Variants in LINGO2 observed in about 807,000 individuals in gnomAD.
LINGO2 encodes the protein leucine-rich repeat and immunoglobulin-like domain-containing nogo receptor-interacting protein 2.
LINGO2 carries 14 observed loss-of-function variants against 30.6 expected under a neutral mutation model. That is an observed-to-expected ratio of 0.46 (90% CI 0.30 to 0.72). The LOEUF is 0.72. LINGO2 is among the 30% of genes least tolerant of loss of function. The probability of loss-of-function intolerance (pLI) is 0.07; values close to 1 mark genes in which losing one functional copy is unlikely to be tolerated. For synonymous variants in LINGO2, 317 were observed against 288.5 expected (o/e 1.10, Z -1.00); for missense variants, 729 against 751.7 (o/e 0.97, Z 0.35).
intron 3 of LINGO2, among the ~76,000 whole-genome samples, chr9:28,355,363 CTGTGTGTGTGTGTGTGTGTGTGTGTG>C (rs61656726): frequency 8.7e-6 from 1 of 115,336 alleles, no homozygotes; most frequent in African/African-American, 3.4e-5. Context: ...CTCCCTCCCT[CTGTGTGTGTGTGTGTGTGTGTGTGTG>C]TGTGTGTGTG....
chr9:28,601,327 G>A (rs928218969), intron 1 of LINGO2, among the ~76,000 whole-genome samples: 16 of 152,082 alleles, frequency 1.1e-4, no homozygotes, highest in African/African-American at 3.9e-4. Flanking sequence ...CTTATTCCTA[G>A]AATACAAATA....
chr9:28,353,942 G>A (rs1181215317), intron 3 of LINGO2, among the ~76,000 whole-genome samples: 1 of 152,078 alleles, frequency 6.6e-6, no homozygotes, highest in East Asian at 1.9e-4. Flanking sequence ...TCATAGGTGG[G>A]AATTGAACAG....
rs57600944 is a variant in LINGO2 at position 28,253,075 on chromosome 9, TAA to T, written c.-87+42131_-87+42132del. 3.4e-3 allele frequency among the ~76,000 whole-genome samples: 476 copies of T among 141,708 alleles called. 2 individuals carry two copies. The highest frequency in any genetic ancestry group is 0.011 in the African/African-American group (450 of 39,260). The allele number at this position is 141,708 out of a possible 152,430, so 93.0% of individuals were successfully genotyped here. A position where few individuals can be genotyped will look rare whatever the true frequency, so the allele number is the denominator to read the frequency against. Reference sequence around the variant, plus strand: ...TAAACTTCCTCATGTTTCAATTTGCTAAAAAAAAAAAAATATTATTTTCTTCA... The same window carrying T: ...TAAACTTCCTCATGTTTCAATTTGCTAAAAAAAAAAATATTATTTTCTTCA... On this transcript the variant is annotated intron_variant, in intron 4 of 5. Transcript: ENST00000379992.
intron 2 of LINGO2, among the ~76,000 whole-genome samples, chr9:28,416,060 A>T (rs1191863201): frequency 1.3e-5 from 2 of 152,132 alleles, no homozygotes; most frequent in Non-Finnish European, 2.9e-5. Context: ...AAAACTGTAA[A>T]GATTGAGGAT....
At chr9:28,931,427 A>G in the LINGO2 span, among the ~76,000 whole-genome samples, 1 of 152,030 alleles carries the variant, frequency 6.6e-6, no homozygotes, top group Non-Finnish European at 1.5e-5. Context: ...GGTACAATCC[A>G]TTTTCTCTGG....
chr9:28,023,783 G>A (rs1354082071), intron 4 of LINGO2, among the ~76,000 whole-genome samples: 1 of 152,126 alleles, frequency 6.6e-6, no homozygotes, highest in African/African-American at 2.4e-5. Flanking sequence ...TTTCTAACAT[G>A]AGAACCTGGT....
chr9:28,491,496 A>C (rs1178763905), intron 1 of LINGO2, among the ~76,000 whole-genome samples: 1 of 152,192 alleles, frequency 6.6e-6, no homozygotes, highest in Non-Finnish European at 1.5e-5. Context: ...AGGATACAGC[A>C]TTTTTGGGTC....
chr9:29,204,174 C>T, the LINGO2 span, among the ~76,000 whole-genome samples: 1 of 152,034 alleles, frequency 6.6e-6, no homozygotes, highest in Admixed American at 6.6e-5. Flanking sequence ...TTCAGTTTAC[C>T]AGATATGAAG....
chr9:28,085,540 T>C (rs1825884650), intron 4 of LINGO2, among the ~76,000 whole-genome samples: 1 of 152,094 alleles, frequency 6.6e-6, no homozygotes, highest in South Asian at 2.1e-4. Flanking sequence ...AAATAAACAC[T>C]TGGGTTTGAA....
chr9:28,744,618 G>GTGTGTGTGTGTGTGTA, the LINGO2 span, among the ~76,000 whole-genome samples: 1 of 126,082 alleles, frequency 7.9e-6, no homozygotes, highest in Non-Finnish European at 1.6e-5. Flanking sequence ...TCGTGTGTGT[G>GTGTGTGTGTGTGTGTA]TGTGTGTGTG....
At chr9:28,532,199 T>C (rs1821259818) in intron 1 of LINGO2, among the ~76,000 whole-genome samples, 1 of 152,092 alleles carries the variant, frequency 6.6e-6, no homozygotes, top group African/African-American at 2.4e-5. Context: ...GTGGGGATAA[T>C]ATCTTTCAGA....
At chr9:28,951,989 A>G in the LINGO2 span, among the ~76,000 whole-genome samples, 3 of 152,082 alleles carry the variant, frequency 2.0e-5, no homozygotes, top group Non-Finnish European at 4.4e-5. Flanking sequence ...CAAAACCACA[A>G]TGAGATACCA....
At chr9:29,059,506 G>A in the LINGO2 span, among the ~76,000 whole-genome samples, 3 of 151,534 alleles carry the variant, frequency 2.0e-5, no homozygotes, top group Non-Finnish European at 4.4e-5. Flanking sequence ...AAACTGAGAT[G>A]GTATGATATT....
At chr9:28,825,335 C>T in the LINGO2 span, among the ~76,000 whole-genome samples, 1 of 151,796 alleles carries the variant, frequency 6.6e-6, no homozygotes, top group African/African-American at 2.4e-5. Flanking sequence ...AGTAGACAGG[C>T]CCAGAGAAAG....
chr9:28,509,246 G>A (rs1820273652), intron 1 of LINGO2, among the ~76,000 whole-genome samples: 1 of 152,074 alleles, frequency 6.6e-6, no homozygotes, highest in Non-Finnish European at 1.5e-5. Flanking sequence ...AACGTCCAAT[G>A]GGCTACCTCT....
chr9:28,026,492 G>A (rs1345815034), intron 4 of LINGO2, among the ~76,000 whole-genome samples: 1 of 152,202 alleles, frequency 6.6e-6, no homozygotes, highest in African/African-American at 2.4e-5. Context: ...TTCTGGGATG[G>A]TGCTGTAGTC....
intron 4 of LINGO2, among the ~76,000 whole-genome samples, chr9:28,055,185 A>AT (rs1045499704): frequency 1.3e-5 from 2 of 152,122 alleles, no homozygotes; most frequent in African/African-American, 2.4e-5. Flanking sequence ...AATTGGCTTA[A>AT]TTTTTTAAGT....
the LINGO2 span, among the ~76,000 whole-genome samples, chr9:28,784,722 G>C: frequency 2.0e-5 from 3 of 152,146 alleles, no homozygotes; most frequent in African/African-American, 7.2e-5. Flanking sequence ...GGGAGGCCGA[G>C]GTGCGTGGAT....
rs1222576112 is a variant in LINGO2, at chr9:27,981,569, A to AC, written c.-36+30785_-36+30786insG. Among the ~76,000 whole-genome samples the AC allele has an allele frequency of 9.9e-4, 127 of 127,996 alleles. 2 individuals carry two copies. Among genetic ancestry groups the AC allele is most frequent in the African/African-American group, 3.2e-3 (116 of 36,786 alleles). The allele number at this position is 127,996 out of a possible 152,430, so 84.0% of individuals were successfully genotyped here. On this transcript the variant is annotated intron_variant, in intron 5 of 5. Transcript: ENST00000379992. ...AAAAAAAGAAAAAAAAGAAAAAAAA[A>AC]GAAAAAAAAAAGAAAAAAAATTTCC...
Sources: allele counts gnomAD v4.1 joint callset (sites outside exome capture counted in the v4.1 genomes callset), GRCh38; gene constraint gnomAD v4.1.1; transcripts MANE v1.5; gene names NCBI Gene and HGNC (gene_info 2026-07-23, HGNC 2026-07-21).